The following SEL1L3 variants were observed in gnomAD, a reference collection of about 807,000 sequenced individuals.
SEL1L3 encodes SEL1L family member 3.
A neutral mutation model predicts 142.8 loss-of-function variants in SEL1L3; 76 were observed. The ratio of observed to expected loss-of-function variants is 0.53; its 90% confidence interval spans 0.44 to 0.64. SEL1L3 has a LOEUF of 0.64. SEL1L3 is among the 30% of genes least tolerant of loss of function. The pLI is 0.00. For missense variants in SEL1L3, 1,262 were observed against 1,381.7 expected, an observed-to-expected ratio of 0.91 and a Z score of 1.37; for synonymous variants, 504 against 519.6, an observed-to-expected ratio of 0.97 and a Z score of 0.41.
At chr4:25,760,731 C>G (rs1467233705) in intron 20 of SEL1L3, among the ~76,000 whole-genome samples, 1 of 152,200 alleles carries the variant, frequency 6.6e-6, no homozygotes, top group Non-Finnish European at 1.5e-5. Context: ...AGGTTGCATA[C>G]TCCAGGACTT....
rs182733799 is a variant in SEL1L3 at position 25,788,699 on chromosome 4, G to A, written c.2077-335C>T. Reference sequence around the variant, plus strand: ...TCCTCAAATGGCACTCTTTTGGGAGGTATTGCCCTTTCTTTTGGCCCAGCG... The same window carrying A: ...TCCTCAAATGGCACTCTTTTGGGAGATATTGCCCTTTCTTTTGGCCCAGCG... On this transcript the variant is annotated intron_variant, in intron 12 of 23. Transcript: ENST00000399878. This position sits in a 1 kb window ranked among gnomAD's most constrained non-coding sequence, Gnocchi z 5.3. 5.3e-5 allele frequency among the ~76,000 whole-genome samples: 8 copies of A among 151,808 alleles called. No homozygotes were observed. Among genetic ancestry groups the A allele is most frequent in the Admixed American group, 5.3e-4 (8 of 15,236 alleles).
intron 1 of SEL1L3, among the ~76,000 whole-genome samples, chr4:25,852,553 G>A (rs1273291184): frequency 2.0e-5 from 3 of 152,194 alleles, no homozygotes; most frequent in African/African-American, 4.8e-5. Context: ...TGGTGCTGGC[G>A]GAAGCCGAAC....
chr4:25,756,481 AT>A (rs905519221), intron 23 of SEL1L3: 17 of 984,090 alleles, frequency 1.7e-5, no homozygotes, highest in African/African-American at 1.4e-4. Flanking sequence ...TCTTACGTGC[AT>A]TTTTTTTCAC....
intron 1 of SEL1L3, among the ~76,000 whole-genome samples, chr4:25,853,879 C>T (rs1717067023): frequency 6.6e-6 from 1 of 152,036 alleles, no homozygotes; most frequent in African/African-American, 2.4e-5. Flanking sequence ...GCCATGTTGG[C>T]CAGGCTGGTC....
chr4:25,763,295 A>G (rs931082398), intron 20 of SEL1L3, among the ~76,000 whole-genome samples: 6 of 152,210 alleles, frequency 3.9e-5, no homozygotes, highest in African/African-American at 1.2e-4. Flanking sequence ...AGAAGAAATG[A>G]TAACAGAATA....
chr4:25,757,449 C>T (rs1437089081), intron 23 of SEL1L3, 85 bp downstream of exon 23: 2 of 988,302 alleles, frequency 2.0e-6, no homozygotes, highest in Non-Finnish European at 2.8e-6. Flanking sequence ...ACAATTTTTC[C>T]AGTAGACCAA....
intron 15 of SEL1L3, among the ~76,000 whole-genome samples, chr4:25,781,203 ATATT>A (rs1719977583): frequency 6.6e-6 from 1 of 151,896 alleles, no homozygotes; most frequent in African/African-American, 2.4e-5. Context: ...CTCCTATTAT[ATATT>A]TATTTGTTTA....
At chr4:25,787,151 C>A (rs1711904538) in intron 13 of SEL1L3, among the ~76,000 whole-genome samples, 1 of 152,182 alleles carries the variant, frequency 6.6e-6, no homozygotes, top group Non-Finnish European at 1.5e-5. Context: ...AGAAACATAC[C>A]AGTTGGGTGA....
At position 25,758,870 on chromosome 4, in the gene SEL1L3, T is replaced by G; in HGVS notation, c.3083+71A>C. 3 of 1,486,672 alleles carry G rather than the reference T, an allele frequency of 2.0e-6. No individual in the cohort carries two copies. In the South Asian group the frequency reaches 3.8e-5, roughly 19 times the overall value. 92.1% of individuals were successfully genotyped at this position (1,486,672 alleles called of 1,614,324 possible). On this transcript the variant is annotated intron_variant, in intron 21 of 23. Coordinates refer to ENST00000399878, the MANE Select transcript of SEL1L3 (RefSeq NM_015187.5). ...ATTACAATATAAGGGTAAAGCTAAC[T>G]TTAACCAAGAAGCGAACATCATCTA...
At chr4:25,716,310 T>C in the SEL1L3 span, among the ~76,000 whole-genome samples, 6 of 152,178 alleles carry the variant, frequency 3.9e-5, no homozygotes, top group African/African-American at 1.4e-4. Context: ...AAATGAGCTA[T>C]CATTTTACTA....
intron 5 of SEL1L3, among the ~76,000 whole-genome samples, chr4:25,831,521 T>TAA (rs1715444197): frequency 7.1e-6 from 1 of 141,272 alleles, no homozygotes. Context: ...ATTATTATTA[T>TAA]TATTATTATT....
chr4:25,756,616 G>T, intron 23 of SEL1L3: 2 of 963,598 alleles, frequency 2.1e-6, no homozygotes, highest in Non-Finnish European at 2.5e-6. Context: ...CTAATGAGTA[G>T]CCAAGCCTGG....
intron 1 of SEL1L3, among the ~76,000 whole-genome samples, chr4:25,851,528 T>C (rs1716896688): frequency 6.6e-6 from 1 of 152,100 alleles, no homozygotes; most frequent in East Asian, 1.9e-4. Flanking sequence ...TGTATATCCT[T>C]CCCTAACTTT....
rs966785438 is a variant in SEL1L3 at position 25,819,975 on chromosome 4, T to C, written c.1291-35A>G. On this transcript the variant is annotated intron_variant, in intron 7 of 23. Coordinates refer to ENST00000399878, the MANE Select transcript of SEL1L3 (RefSeq NM_015187.5). ...GGCAAGAAAGTCAAATGAACAACAA[T>C]TGTCATCAAATATCCATCCACCTCT... The C allele has an allele frequency of 2.5e-6, 4 of 1,592,452 alleles. No homozygotes were observed. In the African/African-American group the frequency reaches 4.0e-5, roughly 16 times the overall value.
In SEL1L3 at chr4:25,748,342, C is replaced by A; in HGVS notation, c.*83G>T. ...TTGACAAGACATTTAAGGTGTTTAT[C>A]AGGATCATGCCCTGGCCCCAGCTTC... On this transcript the variant is annotated 3_prime_UTR_variant, in exon 24 of 24. Coordinates refer to ENST00000399878, the MANE Select transcript of SEL1L3 (RefSeq NM_015187.5). The A allele has an allele frequency of 7.2e-7, 1 of 1,387,190 alleles. No homozygotes were observed. 85.9% of individuals were successfully genotyped at this position (1,387,190 alleles called of 1,614,324 possible).
intron 17 of SEL1L3, among the ~76,000 whole-genome samples, chr4:25,771,818 C>G (rs1300598668): frequency 6.6e-6 from 1 of 152,220 alleles, no homozygotes; most frequent in Non-Finnish European, 1.5e-5. Context: ...GACAGCTGGT[C>G]TTTCCTTGGC....
chr4:25,828,695 GTT>G (rs968229222), intron 6 of SEL1L3, among the ~76,000 whole-genome samples: 3 of 151,932 alleles, frequency 2.0e-5, no homozygotes, highest in African/African-American at 7.3e-5. Flanking sequence ...CGGGCCAAGA[GTT>G]TATTTATTTT....
chr4:25,728,713 G>A, the SEL1L3 span, among the ~76,000 whole-genome samples: 1 of 151,952 alleles, frequency 6.6e-6, no homozygotes, highest in Non-Finnish European at 1.5e-5. Flanking sequence ...GATCACTTGA[G>A]GTCAGGAGTT....
At chr4:25,745,524 C>CA (rs1717234814), downstream of SEL1L3, among the ~76,000 whole-genome samples, 1 of 152,140 alleles carries the variant, frequency 6.6e-6, no homozygotes, top group African/African-American at 2.4e-5. Flanking sequence ...CAAATTGAGG[C>CA]AAGGGACCTT....
Sources: gnomAD v4.1 joint callset for allele counts (sites outside exome capture counted in the v4.1 genomes callset) on GRCh38, gnomAD v4.1.1 for gene constraint, Gnocchi (gnomAD v3.1) non-coding constraint, MANE v1.5 for transcripts, NCBI Gene and HGNC (gene_info 2026-07-23, HGNC 2026-07-21) for gene names.